Variants in DCDC2 observed in about 807,000 individuals in gnomAD.
DCDC2 encodes the protein doublecortin domain containing 2, also known as doublecortin domain-containing protein 2.
Under a neutral mutation model 50.2 loss-of-function variants are expected in DCDC2, and 40 were observed. That is an observed-to-expected ratio of 0.80 (90% confidence interval 0.62 to 1.04). The LOEUF (loss-of-function observed/expected upper bound fraction) is 1.04. Ranked by LOEUF, DCDC2 falls within the 50% of genes least tolerant of loss-of-function variation. The probability of loss-of-function intolerance (pLI) is 0.00; values close to 1 mark genes in which losing one functional copy is unlikely to be tolerated. For missense variants in DCDC2, 570 were observed against 581.9 expected, an observed-to-expected ratio of 0.98 and a Z score of 0.21; for synonymous variants, 234 against 210.6, an observed-to-expected ratio of 1.11 and a Z score of -0.96.
At chr6:24,332,894 G>A (rs931126265) in intron 2 of DCDC2, among the ~76,000 whole-genome samples, 7 of 152,220 alleles carry the variant, frequency 4.6e-5, no homozygotes, top group African/African-American at 1.7e-4. Flanking sequence ...CTAACCTCTT[G>A]GAGTTTACAA....
intron 8 of DCDC2, among the ~76,000 whole-genome samples, chr6:24,203,509 G>A (rs1449807713): frequency 1.3e-5 from 2 of 152,108 alleles, no homozygotes; most frequent in African/African-American, 2.4e-5. Flanking sequence ...AGACTTAAAT[G>A]TAAGACCTAA....
intron 2 of DCDC2, among the ~76,000 whole-genome samples, chr6:24,309,893 G>T (rs1759541308): frequency 6.6e-6 from 1 of 152,146 alleles, no homozygotes; most frequent in Admixed American, 6.5e-5. Context: ...AGTTTGGCAG[G>T]CTGAAATGGG....
At chr6:24,249,053 G>A (rs1003548366) in intron 7 of DCDC2, among the ~76,000 whole-genome samples, 1 of 151,912 alleles carries the variant, frequency 6.6e-6, no homozygotes, top group Non-Finnish European at 1.5e-5. Context: ...AATTTCCAAG[G>A]TTCCTTCTAC....
intron 7 of DCDC2, among the ~76,000 whole-genome samples, chr6:24,215,135 C>CA (rs1479488354): frequency 6.6e-6 from 1 of 152,074 alleles, no homozygotes; most frequent in African/African-American, 2.4e-5. Flanking sequence ...GAGAGGAGAA[C>CA]AAAGAAGGCT....
intron 2 of DCDC2, among the ~76,000 whole-genome samples, chr6:24,327,485 T>TTTATTGAC (rs1308297177): frequency 6.7e-6 from 1 of 148,408 alleles, no homozygotes; most frequent in African/African-American, 2.4e-5. Flanking sequence ...TATTTATTTA[T>TTTATTGAC]TGGCTGATAC....
intron 7 of DCDC2, among the ~76,000 whole-genome samples, chr6:24,224,997 G>A (rs750970815): frequency 1.2e-4 from 19 of 152,280 alleles, no homozygotes; most frequent in Non-Finnish European, 2.2e-4. Context: ...GTGTGGGTGC[G>A]TGTTTCCATC....
At chr6:24,258,720 C>T (rs181591406) in intron 7 of DCDC2, among the ~76,000 whole-genome samples, 3 of 152,234 alleles carry the variant, frequency 2.0e-5, no homozygotes, top group Admixed American at 2.0e-4. Flanking sequence ...CTAGAGGTCA[C>T]ACACATAACT....
intron 7 of DCDC2, among the ~76,000 whole-genome samples, chr6:24,238,624 G>A (rs578055548): frequency 1.1e-4 from 16 of 152,192 alleles, no homozygotes; most frequent in African/African-American, 3.6e-4. Flanking sequence ...TTATAGTTAG[G>A]CTATAACCAG....
chr6:24,304,304 G>A (rs1023348755), intron 2 of DCDC2, among the ~76,000 whole-genome samples: 35 of 152,178 alleles, frequency 2.3e-4, no homozygotes, highest in Admixed American at 2.1e-3. Flanking sequence ...CCAACATGGT[G>A]AAACCCTATC....
chr6:24,368,628 A>G, the DCDC2 span, among the ~76,000 whole-genome samples: 1 of 152,084 alleles, frequency 6.6e-6, no homozygotes, highest in African/African-American at 2.4e-5. Context: ...GTACAAAATG[A>G]GAGCGTTTAC....
At chr6:24,289,982 T>C (rs1393639455) in intron 5 of DCDC2, among the ~76,000 whole-genome samples, 73 of 54,978 alleles carry the variant, frequency 1.3e-3, no homozygotes, top group Non-Finnish European at 2.1e-3. Flanking sequence ...TTTTTTTTTT[T>C]TTTTTTTTTT....
chr6:24,176,228 C>G (rs1561877774), intron 9 of DCDC2, among the ~76,000 whole-genome samples: 1 of 151,866 alleles, frequency 6.6e-6, no homozygotes, highest in Non-Finnish European at 1.5e-5. Flanking sequence ...CCCGGGAGGT[C>G]AAAGCTGCAG....
At chr6:24,253,856 T>C (rs997124174) in intron 7 of DCDC2, among the ~76,000 whole-genome samples, 1 of 152,208 alleles carries the variant, frequency 6.6e-6, no homozygotes, top group Non-Finnish European at 1.5e-5. Flanking sequence ...ATACTTAGGC[T>C]ACACTAAATT....
At chr6:24,250,683 TA>T (rs1375252894) in intron 7 of DCDC2, among the ~76,000 whole-genome samples, 2 of 151,966 alleles carry the variant, frequency 1.3e-5, no homozygotes, top group Non-Finnish European at 2.9e-5. Flanking sequence ...TAATACAAAT[TA>T]TTCTGCAAAG....
intron 6 of DCDC2, among the ~76,000 whole-genome samples, chr6:24,280,369 T>G (rs982778037): frequency 4.2e-5 from 6 of 141,232 alleles, no homozygotes; most frequent in Non-Finnish European, 9.3e-5. Flanking sequence ...CAACCAGGGG[T>G]TTTTTTTTTT....
intron 8 of DCDC2, among the ~76,000 whole-genome samples, chr6:24,201,544 A>G (rs959481740): frequency 1.3e-5 from 2 of 152,206 alleles, no homozygotes; most frequent in Non-Finnish European, 2.9e-5. Context: ...CCCACAGGAG[A>G]AAGCAGAAAA....
chr6:24,232,223 G>A (rs1055041040), intron 7 of DCDC2, among the ~76,000 whole-genome samples: 8 of 152,082 alleles, frequency 5.3e-5, no homozygotes, highest in Admixed American at 1.3e-4. Context: ...TAAAATTGAC[G>A]TACATCTCAA....
At chr6:24,348,712 T>G (rs1175852920) in intron 2 of DCDC2, among the ~76,000 whole-genome samples, 2 of 152,190 alleles carry the variant, frequency 1.3e-5, no homozygotes, top group African/African-American at 2.4e-5. Flanking sequence ...TATTATATTT[T>G]AAACCATTTC....
At chr6:24,228,584 G>A (rs1762279950) in intron 7 of DCDC2, among the ~76,000 whole-genome samples, 1 of 152,132 alleles carries the variant, frequency 6.6e-6, no homozygotes, top group South Asian at 2.1e-4. Context: ...ACAGCTGATA[G>A]GAGTTCTGAT....
Sources: gnomAD v4.1 joint callset for allele counts (sites outside exome capture counted in the v4.1 genomes callset) on GRCh38, gnomAD v4.1.1 for gene constraint, MANE v1.5 for transcripts, NCBI Gene and HGNC (gene_info 2026-07-23, HGNC 2026-07-21) for gene names.